PIGK: variants seen among roughly 807,000 people sequenced by gnomAD.
The protein encoded by PIGK is GPI-anchor transamidase.
A neutral mutation model predicts 50.6 loss-of-function variants in PIGK; 42 were observed. That is an observed-to-expected ratio of 0.83 (90% CI 0.65 to 1.07). The LOEUF (loss-of-function observed/expected upper bound fraction) is 1.07, where lower values mean the gene tolerates loss of function less well. PIGK is among the 50% of genes least tolerant of loss of function. The pLI, the probability that PIGK is intolerant of heterozygous loss-of-function variation, is 0.00. For synonymous variants in PIGK, 151 were observed against 156.0 expected (o/e 0.97, Z 0.24); for missense variants, 448 against 488.7 (o/e 0.92, Z 0.78).
At chr1:77,175,551 G>A (rs1655466039) in intron 3 of PIGK, among the ~76,000 whole-genome samples, 1 of 152,074 alleles carries the variant, frequency 6.6e-6, no homozygotes, top group Non-Finnish European at 1.5e-5. Context: ...TATAAGGAAA[G>A]TAAAATTTGT....
chr1:77,216,933 A>G (rs1234769437), intron 1 of PIGK, among the ~76,000 whole-genome samples: 1 of 152,222 alleles, frequency 6.6e-6, no homozygotes, highest in East Asian at 1.9e-4. Context: ...TACAGTCATT[A>G]TAAAGTTATT....
At chr1:77,219,238 C>T in intron 1 of PIGK, 72 bp downstream of exon 1, 1 of 1,264,560 alleles carries the variant, frequency 7.9e-7, no homozygotes, top group Non-Finnish European at 1.2e-6. Context: ...CCCTCAGCTA[C>T]TGTGTATCGG....
intron 4 of PIGK, 35 bp downstream of exon 4, chr1:77,169,225 C>CCATTTTAAAATGCCA: frequency 7.3e-7 from 1 of 1,372,214 alleles, no homozygotes; most frequent in Non-Finnish European, 9.9e-7. Context: ...AGTAACAATG[C>CCATTTTAAAATGCCA]CATTTTAAAA....
chr1:77,130,721 A>C (rs1198158419), intron 9 of PIGK, among the ~76,000 whole-genome samples: 1 of 152,144 alleles, frequency 6.6e-6, no homozygotes, highest in Non-Finnish European at 1.5e-5. Context: ...ACTAGTCCAC[A>C]TGAATTTGAT....
Position 77,189,623 on chromosome 1 carries a change from G to C in PIGK, c.239+17017C>G, listed in dbSNP as rs1004550031. 3.4e-5 allele frequency among the ~76,000 whole-genome samples: 5 copies of C among 149,234 alleles called. No individual in the cohort carries two copies. The East Asian group carries it at 5.9e-4, about 18-fold the overall frequency. On this transcript the variant is annotated intron_variant, in intron 3 of 10. Coordinates refer to ENST00000370812, the MANE Select transcript of PIGK (RefSeq NM_005482.3). ...AGTTTCAGTTTTGGGACTTGGACTG[G>C]TTCTCCTTGCTCCTCAGCTTGCAGA... is the stretch of plus-strand genomic sequence containing the variant.
chr1:77,177,809 T>C (rs1016229278), intron 3 of PIGK, among the ~76,000 whole-genome samples: 2 of 152,148 alleles, frequency 1.3e-5, no homozygotes, highest in African/African-American at 4.8e-5. Context: ...CCATCCACAC[T>C]GCAACAAAAC....
intron 2 of PIGK, among the ~76,000 whole-genome samples, 198 bp downstream of exon 2, chr1:77,210,238 C>A (rs530706010): frequency 6.6e-6 from 1 of 152,084 alleles, no homozygotes; most frequent in African/African-American, 2.4e-5. Flanking sequence ...CACCACTTGA[C>A]AGATATTCTG....
intron 3 of PIGK, among the ~76,000 whole-genome samples, chr1:77,180,100 T>C (rs1432337386): frequency 6.6e-6 from 1 of 152,202 alleles, no homozygotes; most frequent in East Asian, 1.9e-4. Flanking sequence ...TTGTATCTTA[T>C]TAAAATGATA....
chr1:77,146,260 C>G (rs1557805271), intron 9 of PIGK, among the ~76,000 whole-genome samples: 1 of 152,024 alleles, frequency 6.6e-6, no homozygotes, highest in African/African-American at 2.4e-5. Flanking sequence ...CAAGAAAATC[C>G]TAATGACCCT....
At chr1:77,096,178 G>T (rs1653400927) in intron 10 of PIGK, among the ~76,000 whole-genome samples, 1 of 152,094 alleles carries the variant, frequency 6.6e-6, no homozygotes, top group Admixed American at 6.6e-5. Flanking sequence ...AAGGGAGCTG[G>T]ATGACATAAT....
At chr1:77,095,144 G>T (rs955870501) in intron 10 of PIGK, among the ~76,000 whole-genome samples, 1 of 151,990 alleles carries the variant, frequency 6.6e-6, no homozygotes, top group Non-Finnish European at 1.5e-5. Flanking sequence ...ATGCACTTTG[G>T]ACTCAGCTTA....
chr1:77,149,372 T>A (rs185059678), intron 9 of PIGK, among the ~76,000 whole-genome samples: 1 of 151,908 alleles, frequency 6.6e-6, no homozygotes, highest in Non-Finnish European at 1.5e-5. Flanking sequence ...ACTTCACCTA[T>A]AAAGATACAG....
At chr1:77,207,496 T>C (rs754814118) in intron 2 of PIGK, among the ~76,000 whole-genome samples, 2 of 152,264 alleles carry the variant, frequency 1.3e-5, no homozygotes, top group East Asian at 3.9e-4. Flanking sequence ...AAACATAACA[T>C]ATAAAACAGT....
At chr1:77,149,125 A>C (rs190278478) in intron 9 of PIGK, among the ~76,000 whole-genome samples, 14 of 152,360 alleles carry the variant, frequency 9.2e-5, no homozygotes, top group Admixed American at 7.2e-4. Flanking sequence ...CAATGAATTA[A>C]AACATACTAC....
intron 10 of PIGK, among the ~76,000 whole-genome samples, chr1:77,096,654 C>T (rs1052255252): frequency 3.3e-5 from 5 of 152,160 alleles, no homozygotes; most frequent in African/African-American, 1.2e-4. Flanking sequence ...TAACTGAGAA[C>T]ACAACTGCCC....
chr1:77,107,142 G>T (rs1408893470), intron 10 of PIGK, among the ~76,000 whole-genome samples: 2 of 152,082 alleles, frequency 1.3e-5, no homozygotes, highest in African/African-American at 4.8e-5. Flanking sequence ...TTTTGAATGT[G>T]TTTACTCTTG....
Position 77,149,372 on chromosome 1 carries a change from T to C in PIGK, c.986+5077A>G, listed in dbSNP as rs185059678. ...GCCTACAAGAAACTCACTTCACCTA[T>C]AAAGATACAGACAAAAAATGAACAA... On this transcript the variant is annotated intron_variant, in intron 9 of 10. Coordinates refer to ENST00000370812, the MANE Select transcript of PIGK (RefSeq NM_005482.3). Among the ~76,000 whole-genome samples, 673 of 152,024 alleles carry C rather than the reference T, an allele frequency of 4.4e-3. 5 individuals are homozygous for C. The highest frequency in any genetic ancestry group is 0.016 in the African/African-American group (651 of 41,494).
rs1340677984 is a variant in PIGK, at chr1:77,154,541, T to C, written c.894A>G (p.Val298=). The change falls in exon 9 of 11, where the codon GTA becomes GTG. Residue 298 remains valine (V), a synonymous_variant. Coordinates refer to ENST00000370812, the MANE Select transcript of PIGK (RefSeq NM_005482.3). ...TDLFQRDPKN[V]LITDFFGSVR... ...CACTTCCAAAGAAATCAGTTATCAG[T>C]ACATTTTTAGGATCCCTCTGAAAAA... 1.2e-6 allele frequency: 2 copies of C among 1,611,760 alleles called. No homozygotes were observed. Among genetic ancestry groups the C allele is most frequent in the Non-Finnish European group, 8.5e-7 (1 of 1,178,032 alleles).
At chr1:77,197,197 A>C (rs1656056873) in intron 3 of PIGK, among the ~76,000 whole-genome samples, 1 of 152,166 alleles carries the variant, frequency 6.6e-6, no homozygotes, top group Non-Finnish European at 1.5e-5. Flanking sequence ...GGGCCAGCCA[A>C]CCAAAAATAT....
Sources: allele counts gnomAD v4.1 joint callset (sites outside exome capture counted in the v4.1 genomes callset), GRCh38; gene constraint gnomAD v4.1.1; transcripts MANE v1.5; gene names NCBI Gene and HGNC (gene_info 2026-07-23, HGNC 2026-07-21).